Variants in POC1A observed in about 807,000 individuals in gnomAD.
The protein encoded by POC1A is POC1 centriolar protein A.
Under a neutral mutation model 47.8 loss-of-function variants are expected in POC1A, and 34 were observed. The observed-to-expected ratio is 0.71, with a 90% CI of 0.54 to 0.95. POC1A has a LOEUF of 0.95. Among genes scored for constraint, POC1A ranks in the 40% least tolerant of loss-of-function variants. The probability of loss-of-function intolerance (pLI) is 0.00; values close to 1 mark genes in which losing one functional copy is unlikely to be tolerated. For synonymous variants in POC1A, 177 were observed against 207.6 expected (o/e 0.85, Z 1.27); for missense variants, 466 against 528.3 (o/e 0.88, Z 1.16).
intron 8 of POC1A, among the ~76,000 whole-genome samples, chr3:52,123,826 T>A (rs1226486731): frequency 6.6e-6 from 1 of 152,250 alleles, no homozygotes; most frequent in African/African-American, 2.4e-5. Flanking sequence ...TCTCCTACTA[T>A]GTCATTTGAT....
chr3:52,076,809 A>G (rs1702128200), intron 10 of POC1A, among the ~76,000 whole-genome samples: 1 of 152,248 alleles, frequency 6.6e-6, no homozygotes, highest in South Asian at 2.1e-4. Flanking sequence ...TTACACACCC[A>G]GCACAATGGC....
At chr3:52,109,114 G>C (rs748656861) in intron 9 of POC1A, among the ~76,000 whole-genome samples, 1 of 152,174 alleles carries the variant, frequency 6.6e-6, no homozygotes, top group African/African-American at 2.4e-5. Context: ...GTCGGGGAAG[G>C]GGGAGCAGAG....
chr3:52,108,843 T>G (rs1042894089), intron 9 of POC1A, among the ~76,000 whole-genome samples: 2 of 152,166 alleles, frequency 1.3e-5, no homozygotes, highest in Non-Finnish European at 2.9e-5. Context: ...GAACCAAGGT[T>G]ACATCACGTC....
chr3:52,086,729 T>C (rs941157725), intron 10 of POC1A, among the ~76,000 whole-genome samples: 1 of 152,228 alleles, frequency 6.6e-6, no homozygotes, highest in African/African-American at 2.4e-5. Context: ...CACCAACCAG[T>C]ACCTAATGGT....
At chr3:52,105,047 T>TGAAACTGAAACTGTAATAAACAAAA (rs1449103495) in intron 9 of POC1A, among the ~76,000 whole-genome samples, 2 of 152,222 alleles carry the variant, frequency 1.3e-5, no homozygotes, top group Non-Finnish European at 2.9e-5. Flanking sequence ...AGCCCGCTCC[T>TGAAACTGAAACTGTAATAAACAAAA]GAAACTGAAA....
At position 52,150,006 on chromosome 3, in the gene POC1A, G is replaced by A. The variant is rs1476183267; in HGVS notation, c.104-19C>T. 2 of 1,605,346 alleles carry A rather than the reference G, an allele frequency of 1.2e-6. No homozygotes were observed. Among genetic ancestry groups the A allele is most frequent in the South Asian group, 1.1e-5 (1 of 90,718 alleles). The stretch of plus-strand genomic sequence containing the variant: ...CCACTGGCTGAGGACAGTGGGTGAT[G>A]CTATGACCTACAGCTCTAACAGGCT... On this transcript the variant is annotated intron_variant, in intron 2 of 10. Transcript: ENST00000296484.
In POC1A at chr3:52,149,796, C is replaced by T; in HGVS notation, c.275+20G>A. 2 of 1,607,340 alleles carry T rather than the reference C, an allele frequency of 1.2e-6. No homozygotes were observed. The highest frequency in any genetic ancestry group is 1.7e-4 in the Middle Eastern group (1 of 5,986). ...CAGGGCCCCAGACTCCAACAAGCCT[C>T]CTCAAAGTGTACGACTCACACATTG... is the stretch of plus-strand genomic sequence containing the variant. On this transcript the variant is annotated intron_variant, in intron 3 of 10. Transcript: ENST00000296484.
chr3:52,098,548 G>A (rs2106982545), intron 9 of POC1A, among the ~76,000 whole-genome samples: 2 of 152,368 alleles, frequency 1.3e-5, no homozygotes, highest in Middle Eastern at 6.8e-3. Context: ...AGCTGGAGAG[G>A]TGGCCTTTAC....
At chr3:52,130,329 G>A (rs958501532) in intron 7 of POC1A, among the ~76,000 whole-genome samples, 1 of 152,222 alleles carries the variant, frequency 6.6e-6, no homozygotes, top group Non-Finnish European at 1.5e-5. Flanking sequence ...CTCAGACAGA[G>A]AGACAACAAT....
chr3:52,137,494 C>T (rs1488825296), intron 7 of POC1A, among the ~76,000 whole-genome samples: 1 of 152,112 alleles, frequency 6.6e-6, no homozygotes, highest in East Asian at 1.9e-4. Flanking sequence ...TTCTGACGAC[C>T]GCTCTGATCA....
chr3:52,113,324 G>A (rs941028132), intron 9 of POC1A, among the ~76,000 whole-genome samples: 1 of 152,204 alleles, frequency 6.6e-6, no homozygotes, highest in African/African-American at 2.4e-5. Flanking sequence ...GGCATCTTTG[G>A]TGCTCCTGGA....
rs779695388 is a variant in POC1A at position 52,145,902 on chromosome 3, T to C, written c.623A>G (p.Asp208Gly). The C allele has an allele frequency of 1.8e-5, 29 of 1,613,994 alleles. 1 individual carries two copies. The highest frequency in any genetic ancestry group is 2.4e-5 in the Non-Finnish European group (28 of 1,179,968). ...CACGTCCCACACCTTCACTGTGTTG[T>C]CCATGCCGGCAGCGGCAATGCACGT... is the stretch of plus-strand genomic sequence containing the variant. ...SGTCIAAAGM[D>G]NTVKVWDVRT... Residue 208 changes from aspartate to glycine, a missense_variant, in exon 6 of 11, where the codon GAC (aspartate) becomes GGC (glycine). Transcript: ENST00000296484.
At chr3:52,130,187 G>A (rs1317521724) in intron 7 of POC1A, among the ~76,000 whole-genome samples, 1 of 152,238 alleles carries the variant, frequency 6.6e-6, no homozygotes, top group Non-Finnish European at 1.5e-5. Context: ...CAGTCTTCCA[G>A]TGAACAAATA....
intron 9 of POC1A, among the ~76,000 whole-genome samples, chr3:52,122,129 C>A (rs2107088937): frequency 6.6e-6 from 1 of 152,350 alleles, no homozygotes; most frequent in African/African-American, 2.4e-5. Context: ...ACGCTCCCAC[C>A]AAATGGCACA....
At chr3:52,083,554 G>C (rs1005002515) in intron 10 of POC1A, among the ~76,000 whole-genome samples, 1 of 152,132 alleles carries the variant, frequency 6.6e-6, no homozygotes, top group African/African-American at 2.4e-5. Flanking sequence ...TCCCTGGCCT[G>C]GTTTTCTCTT....
At position 52,125,150 on chromosome 3, in the gene POC1A, G is replaced by A. The variant is rs7649715; in HGVS notation, c.845C>T (p.Thr282Met). 2.3e-4 allele frequency: 366 copies of A among 1,613,902 alleles called. No individual in the cohort carries two copies. The African/African-American group carries it at 4.1e-3, about 18-fold the overall frequency. Reference sequence around the variant, plus strand: ...GCCTCCAGAAGCAAAATACTCCCCCGTTCTTGAAAAGGCAACAGTGGTGGC... The same window carrying A: ...GCCTCCAGAAGCAAAATACTCCCCCATTCTTGAAAAGGCAACAGTGGTGGC... ...GPATTVAFSR[T>M]GEYFASGGSD... The change falls in exon 8 of 11, where the codon ACG becomes ATG. Residue 282 changes from threonine (T) to methionine (M), a missense_variant. Transcript: ENST00000296484.
intron 7 of POC1A, among the ~76,000 whole-genome samples, chr3:52,133,081 A>G (rs1236415991): frequency 1.3e-5 from 2 of 152,046 alleles, no homozygotes; most frequent in Non-Finnish European, 2.9e-5. Context: ...TGAATCCCCA[A>G]GGTAACAGTG....
At chr3:52,150,568 A>ATT (rs1698523864) in intron 2 of POC1A, among the ~76,000 whole-genome samples, 1 of 152,164 alleles carries the variant, frequency 6.6e-6, no homozygotes, top group Non-Finnish European at 1.5e-5. Context: ...CAGCTGCAGC[A>ATT]TAAGAGCAGT....
intron 7 of POC1A, among the ~76,000 whole-genome samples, chr3:52,136,846 G>C (rs6809294): frequency 0.16 from 23,710 of 152,244 alleles, 2,222 homozygotes; most frequent in Middle Eastern, 0.32. Flanking sequence ...GTGTTTTCAG[G>C]CTAAGCGTGA....
Sources: gnomAD v4.1 joint callset for allele counts (sites outside exome capture counted in the v4.1 genomes callset) on GRCh38, gnomAD v4.1.1 for gene constraint, MANE v1.5 for transcripts, NCBI Gene and HGNC (gene_info 2026-07-23, HGNC 2026-07-21) for gene names.